Variants in KCNMB2 observed in about 807,000 individuals in gnomAD.
KCNMB2 encodes potassium calcium-activated channel subfamily M regulatory beta subunit 2, also known as calcium-activated potassium channel subunit beta-2.
A neutral mutation model predicts 24.5 loss-of-function variants in KCNMB2; 9 were observed. The observed-to-expected ratio is 0.37, with a 90% confidence interval of 0.22 to 0.64. The LOEUF is 0.64. Among genes scored for constraint, KCNMB2 ranks in the 30% least tolerant of loss-of-function variants. The pLI is 0.63. For synonymous variants in KCNMB2, 109 were observed against 104.4 expected (o/e 1.04, Z -0.27); for missense variants, 226 against 284.3 (o/e 0.79, Z 1.47).
At chr3:178,680,492 G>T (rs1302289051) in intron 1 of KCNMB2, among the ~76,000 whole-genome samples, 1 of 152,076 alleles carries the variant, frequency 6.6e-6, no homozygotes, top group African/African-American at 2.4e-5. Context: ...AAATGAAAAT[G>T]CAGGAAAATC....
Position 178,843,006 on chromosome 3 carries a change from AC to A in KCNMB2, c.*71del, listed in dbSNP as rs1715483335. The A allele has an allele frequency of 7.3e-7, 1 of 1,362,164 alleles. No individual in the cohort carries two copies. The highest frequency in any genetic ancestry group is 1.0e-6 in the Non-Finnish European group (1 of 990,536). 84.4% of individuals were successfully genotyped at this position (1,362,164 alleles called of 1,614,324 possible). ...GTTTTCTTTCATTCTTCACCAAAGA[AC>A]CTTAAGTTTGTAACGTGCAGTCTGT... On this transcript the variant is annotated 3_prime_UTR_variant, in exon 5 of 5. Transcript: ENST00000452583.
intron 1 of KCNMB2, among the ~76,000 whole-genome samples, chr3:178,571,745 C>T (rs1239434503): frequency 6.6e-6 from 1 of 151,670 alleles, no homozygotes; most frequent in African/African-American, 2.4e-5. Context: ...CACGTGTTTT[C>T]ATTGTTCAAC....
intron 1 of KCNMB2, among the ~76,000 whole-genome samples, chr3:178,568,773 TGATA>T (rs5854804): frequency 0.19 from 21,747 of 115,568 alleles, 2,340 homozygotes; most frequent in East Asian, 0.25. Context: ...GATAGATAGA[TGATA>T]GATAGATAGA....
At chr3:178,637,532 T>G (rs1560142554) in intron 1 of KCNMB2, among the ~76,000 whole-genome samples, 1 of 152,220 alleles carries the variant, frequency 6.6e-6, no homozygotes, top group Non-Finnish European at 1.5e-5. Context: ...TTAATTACAT[T>G]GGTCTTTAGT....
At chr3:178,759,673 TATATATCCAAGAGGATATATATACAC>T (rs1711632393) in intron 1 of KCNMB2, among the ~76,000 whole-genome samples, 2 of 104,424 alleles carry the variant, frequency 1.9e-5, no homozygotes, top group African/African-American at 6.3e-5. Flanking sequence ...GATATATATA[TATATATCCAAGAGGATATATATACAC>T]ATATATATAT....
In KCNMB2 at chr3:178,679,136, T is replaced by G. The variant is rs77872119; in HGVS notation, c.-67-128207T>G. On this transcript the variant is annotated intron_variant, in intron 1 of 4. Transcript: ENST00000452583. ...AGTTACATATGTATATTTATCAGTT[T>G]TTTTATTTGTTGACTGGGTCTCCCA... is the stretch of plus-strand genomic sequence containing the variant. 8.2e-3 allele frequency among the ~76,000 whole-genome samples: 1,245 copies of G among 152,266 alleles called. 90 individuals are homozygous for G. In the East Asian group the frequency reaches 0.18, roughly 22 times the overall value.
intron 1 of KCNMB2, among the ~76,000 whole-genome samples, chr3:178,592,556 G>C (rs565860080): frequency 9.2e-5 from 14 of 152,210 alleles, no homozygotes; most frequent in African/African-American, 2.9e-4. Flanking sequence ...CAGCCACAAA[G>C]GCTCTATGAC....
intron 1 of KCNMB2, among the ~76,000 whole-genome samples, chr3:178,679,525 T>C (rs1264262541): frequency 6.6e-6 from 1 of 152,208 alleles, no homozygotes; most frequent in Non-Finnish European, 1.5e-5. Flanking sequence ...CTGTTGGGGC[T>C]TGCACATGTA....
At position 178,762,678 on chromosome 3, in the gene KCNMB2, T is replaced by G. The variant is rs142222846; in HGVS notation, c.-67-44665T>G. Among the ~76,000 whole-genome samples, 297 of 152,024 alleles carry G rather than the reference T, an allele frequency of 2.0e-3. 3 individuals carry two copies. Among genetic ancestry groups the G allele is most frequent in the African/African-American group, 6.7e-3 (277 of 41,462 alleles). ...AAAGTTGAAACTGGGGTGGCAGTAG[T>G]GGTAATGAAGAGAAATGAACTAGTT... On this transcript the variant is annotated intron_variant, in intron 1 of 4. Coordinates refer to ENST00000452583, the MANE Select transcript of KCNMB2 (RefSeq NM_181361.3).
chr3:178,802,245 TG>T (rs1220687533), intron 1 of KCNMB2, among the ~76,000 whole-genome samples: 1 of 152,198 alleles, frequency 6.6e-6, no homozygotes, highest in African/African-American at 2.4e-5. Context: ...CCTTTTGAGT[TG>T]CCAGAGTGAT....
chr3:178,754,150 G>GTGTATATATATATATATATA (rs1553773711), intron 1 of KCNMB2, among the ~76,000 whole-genome samples: 11 of 106,274 alleles, frequency 1.0e-4, no homozygotes, highest in African/African-American at 4.1e-4. Context: ...ATATTCCATT[G>GTGTATATATATATATATATA]TATATATATA....
At chr3:178,571,688 C>T (rs1005869384) in intron 1 of KCNMB2, among the ~76,000 whole-genome samples, 1 of 151,686 alleles carries the variant, frequency 6.6e-6, no homozygotes, top group African/African-American at 2.4e-5. Context: ...CCCCTTGCCC[C>T]CAAACCCCTG....
intron 1 of KCNMB2, among the ~76,000 whole-genome samples, chr3:178,773,636 G>A (rs1278332464): frequency 6.6e-6 from 1 of 152,124 alleles, no homozygotes; most frequent in Non-Finnish European, 1.5e-5. Context: ...TCAGACTCCA[G>A]ATCCATATTC....
chr3:178,727,264 TC>T, intron 1 of KCNMB2, among the ~76,000 whole-genome samples: 1 of 152,120 alleles, frequency 6.6e-6, no homozygotes. Context: ...CCCATATTTT[TC>T]CCCTTCCCCT....
At chr3:178,787,683 T>C (rs1028347135) in intron 1 of KCNMB2, among the ~76,000 whole-genome samples, 2 of 152,138 alleles carry the variant, frequency 1.3e-5, no homozygotes, top group African/African-American at 4.8e-5. Flanking sequence ...TCTCTAAATT[T>C]TGTGTCATGA....
At chr3:178,678,339 TA>T (rs2108590929) in intron 1 of KCNMB2, among the ~76,000 whole-genome samples, 1 of 152,338 alleles carries the variant, frequency 6.6e-6, no homozygotes, top group Non-Finnish European at 1.5e-5. Context: ...ATCCCATTTA[TA>T]ATTTGGAATC....
intron 1 of KCNMB2, among the ~76,000 whole-genome samples, chr3:178,565,127 G>A (rs1005939422): frequency 6.6e-6 from 1 of 152,022 alleles, no homozygotes; most frequent in Non-Finnish European, 1.5e-5. Flanking sequence ...TATAGTGAAC[G>A]ATCTGGAACA....
At chr3:178,587,896 C>T (rs1246907707) in intron 1 of KCNMB2, among the ~76,000 whole-genome samples, 1 of 139,060 alleles carries the variant, frequency 7.2e-6, no homozygotes, top group Non-Finnish European at 1.6e-5. Flanking sequence ...CCCCTCCCCC[C>T]ACCCCACAAC....
intron 1 of KCNMB2, among the ~76,000 whole-genome samples, chr3:178,681,749 T>C (rs1721278408): frequency 6.6e-6 from 1 of 152,186 alleles, no homozygotes; most frequent in Admixed American, 6.5e-5. Context: ...TCTTGTCTTC[T>C]CAAGTAGACA....
Sources: gnomAD v4.1 joint callset for allele counts (sites outside exome capture counted in the v4.1 genomes callset) on GRCh38, gnomAD v4.1.1 for gene constraint, MANE v1.5 for transcripts, NCBI Gene and HGNC (gene_info 2026-07-23, HGNC 2026-07-21) for gene names.